Variants in MALRD1 observed in about 807,000 individuals in gnomAD.
The protein encoded by MALRD1 is MAM and LDL-receptor class A domain-containing protein 1.
In MALRD1, 247 loss-of-function variants were observed where a neutral mutation model predicts 242.1. That is an observed-to-expected ratio of 1.02 (90% CI 0.92 to 1.13). MALRD1 has a LOEUF of 1.13. MALRD1 is among the 50% of genes most tolerant of loss of function. The probability of loss-of-function intolerance (pLI) is 0.00; values close to 1 mark genes in which losing one functional copy is unlikely to be tolerated. For missense variants in MALRD1, 2,989 were observed against 2,533.1 expected (o/e 1.18, Z -3.86); for synonymous variants, 995 against 866.6 (o/e 1.15, Z -2.60).
intron 26 of MALRD1, among the ~76,000 whole-genome samples, chr10:19,363,020 C>A (rs532656029): frequency 2.0e-5 from 3 of 152,100 alleles, no homozygotes; most frequent in Non-Finnish European, 4.4e-5. Flanking sequence ...GAGCAGATTT[C>A]ATGGGGGAGA....
chr10:19,320,376 C>G (rs1842872362), intron 21 of MALRD1, among the ~76,000 whole-genome samples: 2 of 151,980 alleles, frequency 1.3e-5, no homozygotes, highest in Admixed American at 1.3e-4. Context: ...CACCTTCATC[C>G]ATGTCCCTGC....
At chr10:19,591,073 C>G (rs989897128) in intron 33 of MALRD1, among the ~76,000 whole-genome samples, 2 of 152,190 alleles carry the variant, frequency 1.3e-5, no homozygotes, top group Non-Finnish European at 2.9e-5. Flanking sequence ...CCCTACCTCC[C>G]ACCCCATAAT....
At chr10:19,080,988 G>T (rs190973531) in intron 2 of MALRD1, among the ~76,000 whole-genome samples, 2 of 151,834 alleles carry the variant, frequency 1.3e-5, no homozygotes, top group East Asian at 3.9e-4. Flanking sequence ...GAAAACATTC[G>T]TGTGGCCCAC....
At chr10:19,421,831 T>A (rs929872191) in intron 28 of MALRD1, among the ~76,000 whole-genome samples, 1 of 152,202 alleles carries the variant, frequency 6.6e-6, no homozygotes, top group African/African-American at 2.4e-5. Context: ...GGTTAAACCC[T>A]CTACTTGAAA....
At chr10:19,274,880 TA>T (rs1271764242) in intron 19 of MALRD1, among the ~76,000 whole-genome samples, 2 of 151,988 alleles carry the variant, frequency 1.3e-5, no homozygotes, top group Non-Finnish European at 2.9e-5. Context: ...TTTTTGAGAT[TA>T]AAAAAAGCTC....
chr10:19,364,886 T>C (rs1845043619), intron 26 of MALRD1, among the ~76,000 whole-genome samples: 1 of 152,114 alleles, frequency 6.6e-6, no homozygotes. Flanking sequence ...GAGGATTCTT[T>C]CCACATAAGC....
chr10:19,593,239 G>A (rs1429716492), intron 33 of MALRD1, among the ~76,000 whole-genome samples: 1 of 152,134 alleles, frequency 6.6e-6, no homozygotes, highest in Non-Finnish European at 1.5e-5. Context: ...TGATAGCGAT[G>A]TCTCCAAGTC....
intron 36 of MALRD1, among the ~76,000 whole-genome samples, chr10:19,667,587 C>T (rs940243073): frequency 6.0e-5 from 9 of 150,996 alleles, no homozygotes; most frequent in African/African-American, 1.7e-4. Context: ...TGTGGCACCT[C>T]CCTGCCACTC....
rs568739592 is a variant in MALRD1, at chr10:19,699,998, G to C, written c.6314+7444G>C. 2.0e-5 allele frequency among the ~76,000 whole-genome samples: 3 copies of C among 148,420 alleles called. No individual in the cohort carries two copies. In the East Asian group the frequency reaches 6.0e-4, roughly 30 times the overall value. The stretch of plus-strand genomic sequence containing the variant: ...TATCAAAAGACATCCAATGATAGAA[G>C]GGTCCCAAGTGAAATTGATTTAGAC... On this transcript the variant is annotated intron_variant, in intron 38 of 39. Coordinates refer to ENST00000454679, the MANE Select transcript of MALRD1 (RefSeq NM_001142308.3).
intron 26 of MALRD1, among the ~76,000 whole-genome samples, chr10:19,381,309 T>C (rs953847813): frequency 9.2e-5 from 14 of 151,470 alleles, no homozygotes; most frequent in African/African-American, 2.7e-4. Context: ...CAGTCTATCA[T>C]TGTTGGACAT....
chr10:19,457,467 G>C (rs763247509), intron 29 of MALRD1, among the ~76,000 whole-genome samples: 24 of 152,022 alleles, frequency 1.6e-4, no homozygotes, highest in Non-Finnish European at 2.9e-4. Context: ...GCCCAGGGTG[G>C]ATGTAATCTC....
chr10:19,643,983 G>T (rs1840530435), intron 36 of MALRD1, among the ~76,000 whole-genome samples: 1 of 152,132 alleles, frequency 6.6e-6, no homozygotes, highest in Non-Finnish European at 1.5e-5. Flanking sequence ...GCCAGCTTCT[G>T]GCAAGCAGCT....
chr10:19,419,348 G>A (rs905053513), intron 28 of MALRD1, among the ~76,000 whole-genome samples: 7 of 152,066 alleles, frequency 4.6e-5, no homozygotes, highest in African/African-American at 1.7e-4. Flanking sequence ...AGGCTGGAGT[G>A]CAGTGGCACG....
chr10:19,316,621 G>T (rs1842717319), intron 21 of MALRD1, among the ~76,000 whole-genome samples: 1 of 151,876 alleles, frequency 6.6e-6, no homozygotes, highest in Admixed American at 6.6e-5. Context: ...ATGGGGAGCA[G>T]TTCCGCACAA....
At chr10:19,560,719 A>G (rs12570707) in intron 32 of MALRD1, among the ~76,000 whole-genome samples, 41,281 of 152,054 alleles carry the variant, frequency 0.27, 6,643 homozygotes, top group Admixed American at 0.41. Context: ...GGAACAGAAA[A>G]CCAAACAGCA....
intron 33 of MALRD1, among the ~76,000 whole-genome samples, chr10:19,585,087 C>T (rs1589268709): frequency 6.6e-6 from 1 of 152,030 alleles, no homozygotes; most frequent in South Asian, 2.1e-4. Flanking sequence ...GGTAGATCTT[C>T]CTCCATCCTT....
intron 2 of MALRD1, among the ~76,000 whole-genome samples, chr10:19,087,583 A>C (rs1336499471): frequency 6.7e-6 from 1 of 150,298 alleles, no homozygotes; most frequent in Non-Finnish European, 1.5e-5. Flanking sequence ...TACACAGTAG[A>C]TGTGTATATC....
At chr10:19,625,599 C>T (rs1371835173) in intron 36 of MALRD1, among the ~76,000 whole-genome samples, 1 of 152,040 alleles carries the variant, frequency 6.6e-6, no homozygotes, top group Admixed American at 6.6e-5. Context: ...AACTCCATGA[C>T]TTAAAAAAAT....
At chr10:19,620,930 A>G (rs752431327) in intron 36 of MALRD1, among the ~76,000 whole-genome samples, 7 of 151,910 alleles carry the variant, frequency 4.6e-5, no homozygotes, top group Admixed American at 6.6e-5. Context: ...ACTATTGAGT[A>G]AGCATATGAT....
Sources: allele counts gnomAD v4.1 joint callset (sites outside exome capture counted in the v4.1 genomes callset), GRCh38; gene constraint gnomAD v4.1.1; transcripts MANE v1.5; gene names NCBI Gene and HGNC (gene_info 2026-07-23, HGNC 2026-07-21).